TASP1: variants seen among roughly 807,000 people sequenced by gnomAD.
The protein encoded by TASP1 is threonine aspartase 1.
In TASP1, 16 loss-of-function variants were observed where a neutral mutation model predicts 56.6. That is an observed-to-expected ratio of 0.28 (90% CI 0.19 to 0.43). The LOEUF is 0.43. Among genes scored for constraint, TASP1 ranks in the 20% least tolerant of loss-of-function variants. TASP1 has a pLI of 1.00. For missense variants in TASP1, 393 were observed against 511.6 expected, an observed-to-expected ratio of 0.77 and a Z score of 2.24; for synonymous variants, 179 against 184.2, an observed-to-expected ratio of 0.97 and a Z score of 0.23.
intron 11 of TASP1, among the ~76,000 whole-genome samples, chr20:13,461,799 G>GA (rs1398731096): frequency 3.9e-5 from 6 of 152,136 alleles, no homozygotes; most frequent in Admixed American, 1.3e-4. Flanking sequence ...AATTCTCCCA[G>GA]AGTTTATTAA....
the TASP1 span, among the ~76,000 whole-genome samples, chr20:13,197,782 T>TGA: frequency 2.0e-3 from 309 of 152,322 alleles, 4 homozygotes; most frequent in South Asian, 9.7e-3. Flanking sequence ...TGTAGAATTT[T>TGA]GAACTCACAT....
intron 1 of TASP1, among the ~76,000 whole-genome samples, chr20:13,636,140 CTTTTTTTT>C (rs36048272): frequency 2.0e-5 from 2 of 98,018 alleles, no homozygotes; most frequent in Admixed American, 1.2e-4. Context: ...TGTGTTGTTG[CTTTTTTTT>C]TTTTTTTTTT....
At chr20:13,347,772 G>T in the TASP1 span, among the ~76,000 whole-genome samples, 2 of 151,812 alleles carry the variant, frequency 1.3e-5, no homozygotes, top group African/African-American at 4.8e-5. Context: ...AATCCGGGGG[G>T]CAGAGGTTTT....
At chr20:13,117,629 G>A in the TASP1 span, 43 of 1,614,086 alleles carry the variant, frequency 2.7e-5, no homozygotes, top group African/African-American at 1.5e-4. Flanking sequence ...GGGGTGTCAC[G>A]GAGTTCTTTG....
the TASP1 span, chr20:13,270,507 A>G: frequency 2.5e-6 from 4 of 1,612,022 alleles, no homozygotes; most frequent in South Asian, 3.3e-5. Flanking sequence ...GTTTTAGAAT[A>G]ACCTCAACGT....
the TASP1 span, among the ~76,000 whole-genome samples, chr20:13,284,559 A>C: frequency 6.6e-6 from 1 of 152,346 alleles, no homozygotes; most frequent in South Asian, 2.1e-4. Context: ...TTATTATAGC[A>C]GAAAGGAGCA....
At chr20:13,389,072 T>C (rs1568732990), downstream of TASP1, among the ~76,000 whole-genome samples, 2 of 152,254 alleles carry the variant, frequency 1.3e-5, no homozygotes, top group Non-Finnish European at 2.9e-5. Flanking sequence ...TTGGTTTTCT[T>C]ATGTGGCTCC....
At chr20:13,281,899 T>C in the TASP1 span, among the ~76,000 whole-genome samples, 1 of 152,208 alleles carries the variant, frequency 6.6e-6, no homozygotes, top group East Asian at 1.9e-4. Context: ...AAAATGCCAA[T>C]TCTGGGCTGC....
At chr20:13,256,961 G>A in the TASP1 span, among the ~76,000 whole-genome samples, 1 of 152,148 alleles carries the variant, frequency 6.6e-6, no homozygotes. Context: ...AGCTGGGCCT[G>A]AGGGGAAAAA....
At chr20:13,456,943 G>C (rs1189381736) in intron 11 of TASP1, among the ~76,000 whole-genome samples, 2 of 152,072 alleles carry the variant, frequency 1.3e-5, no homozygotes, top group Admixed American at 6.6e-5. Flanking sequence ...GTTTTAAAAT[G>C]GGATCCTATG....
chr20:13,302,681 C>T, the TASP1 span, among the ~76,000 whole-genome samples: 1 of 152,142 alleles, frequency 6.6e-6, no homozygotes, highest in Middle Eastern at 3.2e-3. Context: ...TAAATATGAC[C>T]CCGCAGTAGC....
rs541072263 is a variant in TASP1 at position 13,489,491 on chromosome 20, G to A, written c.875-6154C>T. Among the ~76,000 whole-genome samples the A allele has an allele frequency of 6.6e-5, 10 of 151,836 alleles. No homozygotes were observed. The South Asian group carries it at 2.1e-3, about 32-fold the overall frequency. On this transcript the variant is annotated intron_variant, in intron 10 of 13. Transcript: ENST00000337743. ...AGGGGTGACATGCATGAGCATCAAGGACCATCCATGGCCACTGAGTGGGAA... is the reference window on the plus strand; with the variant it reads ...AGGGGTGACATGCATGAGCATCAAGAACCATCCATGGCCACTGAGTGGGAA...
At chr20:13,117,519 A>G in the TASP1 span, 2 of 1,596,316 alleles carry the variant, frequency 1.3e-6, no homozygotes, top group Admixed American at 1.8e-5. Flanking sequence ...GGAAGGTTCC[A>G]TCGTGCATCT....
chr20:13,159,982 C>CT, the TASP1 span: 11 of 1,442,098 alleles, frequency 7.6e-6, no homozygotes, highest in East Asian at 2.5e-5. Flanking sequence ...TTTTTTTTTT[C>CT]TTTTTTTGCT....
intron 1 of TASP1, among the ~76,000 whole-genome samples, chr20:13,635,387 CTTTT>C (rs34767488): frequency 3.1e-5 from 4 of 129,282 alleles, no homozygotes; most frequent in South Asian, 2.5e-4. Flanking sequence ...TCAGCAATTT[CTTTT>C]TTTTTTTTTT....
At chr20:13,225,859 T>C in the TASP1 span, among the ~76,000 whole-genome samples, 3 of 152,132 alleles carry the variant, frequency 2.0e-5, no homozygotes, top group Non-Finnish European at 2.9e-5. Context: ...TTAATGTTAA[T>C]GATAAAACAT....
At chr20:13,512,369 T>A (rs199762810) in intron 10 of TASP1, among the ~76,000 whole-genome samples, 2 of 152,284 alleles carry the variant, frequency 1.3e-5, no homozygotes, top group East Asian at 3.9e-4. Flanking sequence ...ATGATGAGCA[T>A]TTTTTCATGT....
At chr20:13,198,148 AT>A in the TASP1 span, among the ~76,000 whole-genome samples, 10 of 152,184 alleles carry the variant, frequency 6.6e-5, no homozygotes, top group South Asian at 2.1e-4. Flanking sequence ...GAATATCTAG[AT>A]TTTTTTTATT....
chr20:13,362,838 T>TATATATATA, the TASP1 span, among the ~76,000 whole-genome samples: 34 of 145,148 alleles, frequency 2.3e-4, no homozygotes, highest in South Asian at 1.1e-3. Flanking sequence ...TATATATATA[T>TATATATATA]TTGTCTCTCC....
Sources: allele counts gnomAD v4.1 joint callset (sites outside exome capture counted in the v4.1 genomes callset), GRCh38; gene constraint gnomAD v4.1.1; transcripts MANE v1.5; gene names NCBI Gene and HGNC (gene_info 2026-07-23, HGNC 2026-07-21).